CDYL: variants seen among roughly 807,000 people sequenced by gnomAD.
The protein encoded by CDYL is chromodomain Y like, also known as chromodomain Y-like protein.
A neutral mutation model predicts 47.3 loss-of-function variants in CDYL; 8 were observed. That is an observed-to-expected ratio of 0.17 (90% CI 0.10 to 0.31). CDYL has a LOEUF of 0.31. CDYL is among the 10% of genes least tolerant of loss of function. The pLI is 1.00. For synonymous variants in CDYL, 266 were observed against 265.0 expected, an observed-to-expected ratio of 1.00 and a Z score of -0.04; for missense variants, 471 against 701.4, an observed-to-expected ratio of 0.67 and a Z score of 3.71.
chr6:4,800,845 C>T (rs185631924), intron 1 of CDYL, among the ~76,000 whole-genome samples: 1 of 152,280 alleles, frequency 6.6e-6, no homozygotes, highest in African/African-American at 2.4e-5. Context: ...GTCATTTTCT[C>T]TGGCTGCTTT....
chr6:4,758,604 C>T (rs1016585300), intron 3 of CDYL, among the ~76,000 whole-genome samples: 5 of 150,140 alleles, frequency 3.3e-5, no homozygotes, highest in South Asian at 2.1e-4. Context: ...CAGAGGTTGC[C>T]GTGAGCCGAG....
In CDYL at chr6:4,952,402, A is replaced by G. The variant is rs1758734257; in HGVS notation, c.1469A>G (p.Asn490Ser). ...CGCATTAAGGAGCTTGCCTCGTGCAATCCAGTTGTATGTCTAATTGCTTCT... is the reference window on the plus strand; with the variant it reads ...CGCATTAAGGAGCTTGCCTCGTGCAGTCCAGTTGTATGTCTAATTGCTTCT... ...MVRIKELASC[N>S]PVVLEESKAL... is the part of the protein sequence containing the mutation. Residue 490 changes from asparagine to serine, a missense_variant, in exon 6 of 7, where the codon AAT (asparagine) becomes AGT (serine). Coordinates refer to ENST00000397588, the MANE Select transcript of CDYL (RefSeq NM_004824.4). 6.2e-7 allele frequency: 1 copy of G among 1,611,740 alleles called. No individual in the cohort carries two copies. The highest frequency in any genetic ancestry group is 1.3e-5 in the African/African-American group (1 of 74,826).
At chr6:4,909,440 A>C (rs901483773) in intron 2 of CDYL, among the ~76,000 whole-genome samples, 1 of 152,164 alleles carries the variant, frequency 6.6e-6, no homozygotes, top group Non-Finnish European at 1.5e-5. Context: ...AATTGACATC[A>C]GTCTTTATTG....
At chr6:4,770,629 A>T (rs1030429431) in intron 3 of CDYL, among the ~76,000 whole-genome samples, 3 of 152,136 alleles carry the variant, frequency 2.0e-5, no homozygotes, top group Admixed American at 2.0e-4. Context: ...AATCTTCTAC[A>T]TTGTGTGGAA....
upstream of CDYL, among the ~76,000 whole-genome samples, chr6:4,775,835 G>T (rs1758424067): frequency 2.7e-5 from 4 of 150,460 alleles, no homozygotes; most frequent in African/African-American, 9.7e-5. The surrounding 1 kb of genome is among the most constrained non-coding windows in gnomAD (Gnocchi z 7.0). Flanking sequence ...GGCTGGCCCG[G>T]CCCCGGACGG....
At chr6:4,777,717 T>G (rs939588974) in intron 1 of CDYL, among the ~76,000 whole-genome samples, 2 of 152,206 alleles carry the variant, frequency 1.3e-5, no homozygotes, top group Non-Finnish European at 2.9e-5. Context: ...TTGAGGGACT[T>G]AAGGAAGCAT....
At chr6:4,725,339 G>T (rs1757488683) in intron 2 of CDYL, among the ~76,000 whole-genome samples, 1 of 152,248 alleles carries the variant, frequency 6.6e-6, no homozygotes. Context: ...ACACTCCTCA[G>T]CCCTTGGGTG....
At chr6:4,815,254 A>G (rs190282031) in intron 1 of CDYL, among the ~76,000 whole-genome samples, 4 of 152,332 alleles carry the variant, frequency 2.6e-5, no homozygotes, top group East Asian at 1.9e-4. Flanking sequence ...TATATCGTGT[A>G]TCACATAAAT....
chr6:4,923,832 C>T (rs1205842245), intron 2 of CDYL, among the ~76,000 whole-genome samples: 2 of 144,652 alleles, frequency 1.4e-5, no homozygotes, highest in Non-Finnish European at 1.5e-5. Context: ...ACCCGGGAGG[C>T]GGAGCTTGCA....
intron 3 of CDYL, among the ~76,000 whole-genome samples, chr6:4,760,833 A>G (rs1349130293): frequency 6.6e-6 from 1 of 152,128 alleles, no homozygotes; most frequent in African/African-American, 2.4e-5. Flanking sequence ...AAAACTAGAT[A>G]AATCAGTGAG....
At chr6:4,879,304 CCCTT>C (rs1188725193) in intron 1 of CDYL, among the ~76,000 whole-genome samples, 6 of 152,106 alleles carry the variant, frequency 3.9e-5, no homozygotes, top group Non-Finnish European at 8.8e-5. Flanking sequence ...ATTACTTTCT[CCCTT>C]AAGTTCTGTC....
chr6:4,891,816 A>G lies in CDYL; in HGVS notation c.128A>G (p.Gln43Arg). 6.2e-7 allele frequency: 1 copy of G among 1,614,234 alleles called. No homozygotes were observed. Among genetic ancestry groups the G allele is most frequent in the Non-Finnish European group, 8.5e-7 (1 of 1,180,044 alleles). ...GAGGACGACACTTGGGAGCCGGAAC[A>G]GCACCTCGTGAACTGTGAGGAATAC... ...DSEDDTWEPEQHLVNCEEYIH... is the reference protein window; with the variant it reads ...DSEDDTWEPERHLVNCEEYIH... The change falls in exon 2 of 7, where the codon CAG (glutamine) becomes CGG (arginine). Residue 43 changes from glutamine (Q) to arginine (R), a missense_variant. Transcript: ENST00000397588.
At chr6:4,744,544 T>A (rs1195328646) in intron 3 of CDYL, among the ~76,000 whole-genome samples, 2 of 152,224 alleles carry the variant, frequency 1.3e-5, no homozygotes, top group Non-Finnish European at 2.9e-5. Context: ...AGAGTGCATG[T>A]TGAAATCAAG....
chr6:4,894,602 A>G (rs1762141867), intron 2 of CDYL, among the ~76,000 whole-genome samples: 1 of 152,044 alleles, frequency 6.6e-6, no homozygotes, highest in South Asian at 2.1e-4. Flanking sequence ...TACTTCCACC[A>G]CCAATCCCGG....
At chr6:4,833,620 GGTATCCTT>G (rs1197290812) in intron 1 of CDYL, among the ~76,000 whole-genome samples, 1 of 149,074 alleles carries the variant, frequency 6.7e-6, no homozygotes, top group African/African-American at 2.6e-5. Context: ...TCAATTCCTG[GGTATCCTT>G]GTTGACTTTC....
At chr6:4,740,123 A>G (rs1010172558) in intron 3 of CDYL, among the ~76,000 whole-genome samples, 1 of 152,226 alleles carries the variant, frequency 6.6e-6, no homozygotes, top group Admixed American at 6.5e-5. Context: ...CTTTTATTAG[A>G]TACTTGCTAA....
At position 4,733,653 on chromosome 6, in the gene CDYL, G is replaced by GTTTCCC. The variant is rs1365439773; in HGVS notation, c.104-1109_104-1108insTTTCCC. Among the ~76,000 whole-genome samples, 10 of 152,194 alleles carry GTTTCCC rather than the reference G, an allele frequency of 6.6e-5. No individual in the cohort carries two copies. In the East Asian group the frequency reaches 1.5e-3, roughly 24 times the overall value. On this transcript the variant is annotated intron_variant, in intron 2 of 8. Transcript: ENST00000328908. ...AGAGAAACTTCATTCTGGTCATTAA[G>GTTTCCC]ACTCCATCTCAGGTATGAAAATTTC...
At chr6:4,894,921 A>G in intron 2 of CDYL, among the ~76,000 whole-genome samples, 1 of 63,718 alleles carries the variant, frequency 1.6e-5, no homozygotes, top group East Asian at 5.7e-4. Context: ...GTATATATAC[A>G]CATATGTATG....
At chr6:4,897,461 C>T (rs1384586497) in intron 2 of CDYL, among the ~76,000 whole-genome samples, 1 of 152,208 alleles carries the variant, frequency 6.6e-6, no homozygotes, top group South Asian at 2.1e-4. Flanking sequence ...GTGATTTCCT[C>T]TCAGTAAGAA....
Sources: gnomAD v4.1 joint callset for allele counts (sites outside exome capture counted in the v4.1 genomes callset) on GRCh38, gnomAD v4.1.1 for gene constraint, Gnocchi (gnomAD v3.1) non-coding constraint, MANE v1.5 for transcripts, NCBI Gene and HGNC (gene_info 2026-07-23, HGNC 2026-07-21) for gene names.